PEG3: variants seen among roughly 807,000 people sequenced by gnomAD.
PEG3 encodes paternally expressed 3.
In PEG3, 23 loss-of-function variants were observed where a neutral mutation model predicts 35.5. That is an observed-to-expected ratio of 0.65 (90% confidence interval 0.47 to 0.92). The LOEUF is 0.92. PEG3 is among the 40% of genes least tolerant of loss of function. The probability of loss-of-function intolerance (pLI) is 0.00; values close to 1 mark genes in which losing one functional copy is unlikely to be tolerated. For synonymous variants in PEG3, 707 were observed against 697.0 expected (o/e 1.01, Z -0.23); for missense variants, 1,960 against 1,985.3 (o/e 0.99, Z 0.24).
intron 7 of PEG3, among the ~76,000 whole-genome samples, chr19:56,819,560 G>T (rs1276563759): frequency 6.6e-6 from 1 of 152,206 alleles, no homozygotes; most frequent in African/African-American, 2.4e-5. Flanking sequence ...GCTGTGGGAA[G>T]CCCACAGGCT....
chr19:56,838,510 C>A (rs1051083595), intron 1 of PEG3, among the ~76,000 whole-genome samples: 1 of 152,168 alleles, frequency 6.6e-6, no homozygotes, highest in African/African-American at 2.4e-5. Context: ...CTCGCAGCTC[C>A]CCCACTAAGC....
intron 1 of PEG3, among the ~76,000 whole-genome samples, chr19:56,838,065 A>T (rs2062394786): frequency 6.6e-6 from 1 of 152,232 alleles, no homozygotes; most frequent in Non-Finnish European, 1.5e-5. Flanking sequence ...GCACCTGCAC[A>T]GTACACCGTG....
Position 56,814,331 on chromosome 19 carries a change from C to A in PEG3, c.4111G>T (p.Ala1371Ser), listed in dbSNP as rs755314775. 6.2e-7 allele frequency: 1 copy of A among 1,612,942 alleles called. No individual in the cohort carries two copies. Among genetic ancestry groups the A allele is most frequent in the South Asian group, 1.1e-5 (1 of 91,026 alleles). ...DEAAAAAAAAAQEVEANVHVP... is the reference protein window; with the variant it reads ...DEAAAAAAAASQEVEANVHVP... ...TGGACATTGGCTTCAACTTCCTGGG[C>A]TGCTGCTGCTGCAGCTGCTGCTGCT... The change falls in exon 10 of 10, where the codon GCC (alanine) becomes TCC (serine). Residue 1371 changes from alanine to serine, a missense_variant. Physicochemically the swap from Ala to Ser is moderately conservative, Grantham distance 99 (BLOSUM62 1). Coordinates refer to ENST00000326441, the MANE Select transcript of PEG3 (RefSeq NM_006210.3). The surrounding 1 kb of genome is among the most constrained non-coding windows in gnomAD (Gnocchi z 5.8).
chr19:56,829,711 C>CT (rs2061400937), intron 2 of PEG3, among the ~76,000 whole-genome samples: 1 of 152,244 alleles, frequency 6.6e-6, no homozygotes, highest in Admixed American at 6.5e-5. Context: ...CCGTCCTCTA[C>CT]TTGCTGCCCA....
chr19:56,818,089 A>C (rs755824587), intron 8 of PEG3, among the ~76,000 whole-genome samples: 10 of 152,156 alleles, frequency 6.6e-5, no homozygotes, highest in Admixed American at 1.3e-4. Context: ...AAATCAGTGC[A>C]TTGTCTTTTA....
At position 56,812,971 on chromosome 19, in the gene PEG3, G is replaced by A. The variant is rs1298469890; in HGVS notation, c.*704C>T. ...CACAGTATTAGGTTCCAAAGTGTTG[G>A]CGCAGATGAAATGGCTGCAGAAAGA... On this transcript the variant is annotated 3_prime_UTR_variant, in exon 10 of 10. Transcript: ENST00000326441. 25 of 985,666 alleles carry A rather than the reference G, an allele frequency of 2.5e-5. No individual in the cohort carries two copies. Among genetic ancestry groups the A allele is most frequent in the Non-Finnish European group, 2.9e-5 (24 of 829,910 alleles). The allele number at this position is 985,666 out of a possible 1,614,324, so 61.1% of individuals were successfully genotyped here. A position where few individuals can be genotyped will look rare whatever the true frequency, so the allele number is the denominator to read the frequency against.
chr19:56,833,969 CTTG>C (rs1431809556), intron 2 of PEG3, among the ~76,000 whole-genome samples: 1 of 152,150 alleles, frequency 6.6e-6, no homozygotes, highest in Admixed American at 6.5e-5. Flanking sequence ...GCAAAATCTC[CTTG>C]TTGTTGTCCA....
chr19:56,820,111 T>C (rs1458013564), intron 7 of PEG3, among the ~76,000 whole-genome samples: 1 of 152,236 alleles, frequency 6.6e-6, no homozygotes, highest in African/African-American at 2.4e-5. Context: ...TCGCTTTGTG[T>C]TTGTAATCAA....
chr19:56,834,155 T>A (rs373281718), intron 2 of PEG3, among the ~76,000 whole-genome samples: 1 of 152,140 alleles, frequency 6.6e-6, no homozygotes, highest in Non-Finnish European at 1.5e-5. Context: ...AATTGGCTCA[T>A]CTGATTTTTT....
At chr19:56,837,227 C>T (rs535162522) in intron 1 of PEG3, among the ~76,000 whole-genome samples, 1 of 152,120 alleles carries the variant, frequency 6.6e-6, no homozygotes, top group Non-Finnish European at 1.5e-5. Flanking sequence ...CTCCAGAGGC[C>T]CCACCCTACC....
rs374550180 is a variant in PEG3, at chr19:56,823,495, G to A, written c.481+98C>T. On this transcript the variant is annotated intron_variant, in intron 5 of 9. Coordinates refer to ENST00000326441, the MANE Select transcript of PEG3 (RefSeq NM_006210.3). Reference sequence around the variant, plus strand: ...GTGAAGCTGACCACTCGGGGATGGCGGGTCATCTTCATGGAGGCCCCAACC... The same window carrying A: ...GTGAAGCTGACCACTCGGGGATGGCAGGTCATCTTCATGGAGGCCCCAACC... 94 of 1,416,200 alleles carry A rather than the reference G, an allele frequency of 6.6e-5. No homozygotes were observed. In the South Asian group the frequency reaches 9.6e-4, roughly 15 times the overall value. The allele number at this position is 1,416,200 out of a possible 1,614,324, so 87.7% of individuals were successfully genotyped here.
intron 6 of PEG3, chr19:56,822,499 T>G (rs1261584818): frequency 5.1e-6 from 2 of 392,652 alleles, no homozygotes; most frequent in South Asian, 6.3e-5. Flanking sequence ...ACTTCCAGTT[T>G]TTTTTTTTTT....
chr19:56,837,030 A>G (rs1162501706), intron 1 of PEG3, among the ~76,000 whole-genome samples: 1 of 151,054 alleles, frequency 6.6e-6, no homozygotes, highest in Admixed American at 6.6e-5. Context: ...AGGAAGCGTC[A>G]TATGTGTCAC....
intron 6 of PEG3, 132 bp from the exon 7 acceptor site, chr19:56,821,886 T>C (rs1175892544): frequency 7.4e-6 from 7 of 944,604 alleles, no homozygotes; most frequent in Non-Finnish European, 1.1e-5. Flanking sequence ...TTCTCTGCAT[T>C]CTGTGGCAGC....
chr19:56,813,833 T>C lies in PEG3; in HGVS notation c.4609A>G (p.Asn1537Asp), dbSNP rs1171107326. ...HASMIIFEPA[N>D]AFGECSGYIE... ...TAGCCTGAGCACTCCCCAAAGGCAT[T>C]TGCAGGCTCAAATATGATCATGCTG... The change falls in exon 10 of 10, where the codon AAT becomes GAT. Residue 1537 changes from asparagine (N) to aspartate (D), a missense_variant. This residue lies in a region of PEG3 where 416 missense variants were observed against 416.7 expected (regional missense o/e 1.00). Coordinates refer to ENST00000326441, the MANE Select transcript of PEG3 (RefSeq NM_006210.3). 6 of 1,614,206 alleles carry C rather than the reference T, an allele frequency of 3.7e-6. No individual in the cohort carries two copies. The highest frequency in any genetic ancestry group is 2.2e-5 in the East Asian group (1 of 44,868).
rs748431268 is a variant in PEG3, at chr19:56,816,633, C to CTCACGT, written c.1803_1808dup (p.Glu603_Arg604dup). The CTCACGT allele has an allele frequency of 1.3e-3, 2,146 of 1,613,766 alleles. 1 individual carries two copies. Among genetic ancestry groups the CTCACGT allele is most frequent in the Non-Finnish European group, 1.7e-3 (1,972 of 1,179,772 alleles). On this transcript the variant is annotated inframe_insertion, in exon 10 of 10. Transcript: ENST00000326441. Reference sequence around the variant, plus strand: ...GGCTGGGCCTAAAGGTTTCCCCGCGCTCACGTTCACGTTCACGTTCATGTT... The same window carrying CTCACGT: ...GGCTGGGCCTAAAGGTTTCCCCGCGCTCACGTTCACGTTCACGTTCACGTTCATGTT...
At chr19:56,822,427 T>G (rs1396712809) in intron 6 of PEG3, 1 of 275,478 alleles carries the variant, frequency 3.6e-6, no homozygotes, top group East Asian at 7.3e-5. Context: ...ATTCTCGCCT[T>G]CTGCCTATGG....
At position 56,811,753 on chromosome 19, in the gene PEG3, A is replaced by G; in HGVS notation, c.*1922T>C. The G allele has an allele frequency of 1.0e-6, 1 of 985,532 alleles. No homozygotes were observed. The highest frequency in any genetic ancestry group is 1.7e-5 in the African/African-American group (1 of 57,330). 61.0% of individuals were successfully genotyped at this position (985,532 alleles called of 1,614,324 possible). A position where few individuals can be genotyped will look rare whatever the true frequency, so the allele number is the denominator to read the frequency against. On this transcript the variant is annotated 3_prime_UTR_variant, in exon 10 of 10. Coordinates refer to ENST00000326441, the MANE Select transcript of PEG3 (RefSeq NM_006210.3). Reference sequence around the variant, plus strand: ...GTTCCAACCTCAGTCCTTCCTATGCAGCCAGCCCTCACCTACACCATACCA... The same window carrying G: ...GTTCCAACCTCAGTCCTTCCTATGCGGCCAGCCCTCACCTACACCATACCA...
rs2059526998 is a variant in PEG3, at chr19:56,811,314, C to G, written c.*2361G>C. On this transcript the variant is annotated 3_prime_UTR_variant, in exon 10 of 10. Transcript: ENST00000326441. Reference sequence around the variant, plus strand: ...TATATTTTTAAACAGTTATAATGAACTGTTTAAATGAACTGTTAAATGAAC... The same window carrying G: ...TATATTTTTAAACAGTTATAATGAAGTGTTTAAATGAACTGTTAAATGAAC... 3 of 909,154 alleles carry G rather than the reference C, an allele frequency of 3.3e-6. No homozygotes were observed. Among genetic ancestry groups the G allele is most frequent in the Non-Finnish European group, 3.9e-6 (3 of 760,682 alleles). 56.3% of individuals were successfully genotyped at this position (909,154 alleles called of 1,614,324 possible). A position where few individuals can be genotyped will look rare whatever the true frequency, so the allele number is the denominator to read the frequency against.
Sources: gnomAD v4.1 joint callset for allele counts (sites outside exome capture counted in the v4.1 genomes callset) on GRCh38, gnomAD v4.1.1 for gene constraint, gnomAD v4.1.1 regional missense constraint, Gnocchi (gnomAD v3.1) non-coding constraint, MANE v1.5 for transcripts, NCBI Gene and HGNC (gene_info 2026-07-23, HGNC 2026-07-21) for gene names.